The following FARS2 variants were observed in gnomAD, a reference collection of about 807,000 sequenced individuals.
FARS2 encodes the protein phenylalanyl-tRNA synthetase 2, mitochondrial, also known as phenylalanine--tRNA ligase, mitochondrial.
In FARS2, 40 loss-of-function variants were observed where a neutral mutation model predicts 46.4. The ratio of observed to expected loss-of-function variants is 0.86; its 90% CI spans 0.67 to 1.12. FARS2 has a LOEUF of 1.12. Among genes scored for constraint, FARS2 ranks in the 50% most tolerant of loss-of-function variants. FARS2 has a pLI of 0.00. For synonymous variants in FARS2, 234 were observed against 214.9 expected (o/e 1.09, Z -0.78); for missense variants, 513 against 567.9 (o/e 0.90, Z 0.98).
Position 5,765,459 on chromosome 6 carries a change from G to A in FARS2, c.1218-5832G>A, listed in dbSNP as rs1359405156. On this transcript the variant is annotated intron_variant, in intron 6 of 6. Transcript: ENST00000274680. This position sits in a 1 kb window ranked among gnomAD's most constrained non-coding sequence, Gnocchi z 4.0. ...TGGCATCGCTCATCACCTGCCAATG[G>A]CAGGGAGCGTGGGCTGTCTTATATT... 6.6e-6 allele frequency among the ~76,000 whole-genome samples: 1 copy of A among 152,220 alleles called. No homozygotes were observed. Among genetic ancestry groups the A allele is most frequent in the Non-Finnish European group, 1.5e-5 (1 of 68,036 alleles).
At chr6:5,644,072 C>A (rs182711844) in intron 6 of FARS2, among the ~76,000 whole-genome samples, 1 of 152,064 alleles carries the variant, frequency 6.6e-6, no homozygotes, top group African/African-American at 2.4e-5. Context: ...GATGGCCCTG[C>A]GCTTCTGGGG....
chr6:5,615,867 A>C lies in FARS2; in HGVS notation c.1217+2547A>C, dbSNP rs373507462. On this transcript the variant is annotated intron_variant, in intron 6 of 6. Transcript: ENST00000274680. ...AAGAAACCAACTTTCTTTAAACATG[A>C]CTCATCTCTTCGATTTTCTTGTATA... 5.9e-5 allele frequency among the ~76,000 whole-genome samples: 9 copies of C among 151,566 alleles called. No individual in the cohort carries two copies. The East Asian group carries it at 1.4e-3, about 23-fold the overall frequency.
chr6:5,640,025 C>T (rs965650870), intron 6 of FARS2, among the ~76,000 whole-genome samples: 4 of 152,082 alleles, frequency 2.6e-5, no homozygotes, highest in South Asian at 2.1e-4. Context: ...ATATCTGTTC[C>T]GTTATTGCAC....
At chr6:5,509,072 G>A (rs1768275762) in intron 4 of FARS2, among the ~76,000 whole-genome samples, 1 of 152,204 alleles carries the variant, frequency 6.6e-6, no homozygotes. Flanking sequence ...GCGTGTGGCT[G>A]TGTTTGCCCC....
intron 5 of FARS2, among the ~76,000 whole-genome samples, chr6:5,563,092 G>C (rs908787128): frequency 6.6e-5 from 10 of 152,056 alleles, no homozygotes; most frequent in African/African-American, 2.4e-4. Flanking sequence ...AGAGGGAGGG[G>C]GGCTCCAAAG....
intron 6 of FARS2, among the ~76,000 whole-genome samples, chr6:5,617,521 A>T (rs1162454500): frequency 3.3e-5 from 5 of 152,228 alleles, no homozygotes. Context: ...TAATAACAAA[A>T]ACCTGGTTTT....
intron 6 of FARS2, among the ~76,000 whole-genome samples, chr6:5,632,692 G>A (rs1339309374): frequency 7.1e-6 from 1 of 141,218 alleles, no homozygotes; most frequent in African/African-American, 2.6e-5. Context: ...AGTGTGAAGT[G>A]GTGTCTCATC....
At chr6:5,534,241 T>A (rs189541923) in intron 4 of FARS2, among the ~76,000 whole-genome samples, 1 of 141,834 alleles carries the variant, frequency 7.1e-6, no homozygotes, top group East Asian at 1.9e-4. Context: ...ATTTTAAATA[T>A]CTACATCCTC....
At chr6:5,595,534 G>A (rs191036056) in intron 5 of FARS2, among the ~76,000 whole-genome samples, 402 of 152,238 alleles carry the variant, frequency 2.6e-3, no homozygotes, top group Admixed American at 4.4e-3. Flanking sequence ...TCCACTGTGC[G>A]CCAGGCACTA....
chr6:5,264,895 G>A (rs1340853927), intron 1 of FARS2, among the ~76,000 whole-genome samples: 1 of 151,880 alleles, frequency 6.6e-6, no homozygotes, highest in Non-Finnish European at 1.5e-5. Context: ...CCGTGCTGAA[G>A]TGATTTTCCT....
chr6:5,408,661 A>G (rs1447541433), intron 3 of FARS2, among the ~76,000 whole-genome samples: 2 of 152,216 alleles, frequency 1.3e-5, no homozygotes, highest in Non-Finnish European at 1.5e-5. Context: ...GATGCCTTGT[A>G]AGTAAAAAAT....
chr6:5,580,309 GA>G (rs1165485659), intron 5 of FARS2, among the ~76,000 whole-genome samples: 5 of 141,652 alleles, frequency 3.5e-5, no homozygotes, highest in Non-Finnish European at 6.1e-5. Flanking sequence ...AAAAAAAAGA[GA>G]AGGAGGGAGG....
chr6:5,686,207 T>A (rs76452802), intron 6 of FARS2, among the ~76,000 whole-genome samples: 74,046 of 151,548 alleles, frequency 0.49, 18,377 homozygotes, highest in African/African-American at 0.53. Context: ...GAACTTTTTT[T>A]AATTATTATT....
intron 4 of FARS2, among the ~76,000 whole-genome samples, chr6:5,472,973 G>A (rs1202210966): frequency 6.6e-6 from 1 of 152,176 alleles, no homozygotes; most frequent in East Asian, 1.9e-4. Context: ...ATATTTGGAT[G>A]AAGTATCTGC....
chr6:5,526,797 A>G (rs1365942529), intron 4 of FARS2, among the ~76,000 whole-genome samples: 1 of 152,044 alleles, frequency 6.6e-6, no homozygotes, highest in Non-Finnish European at 1.5e-5. Context: ...TTGTGTATTT[A>G]GTAGAGACAG....
chr6:5,573,991 A>G (rs542451015), intron 5 of FARS2, among the ~76,000 whole-genome samples: 14 of 152,332 alleles, frequency 9.2e-5, no homozygotes, highest in African/African-American at 3.4e-4. Flanking sequence ...AATTGGAAAA[A>G]TGTTTAGCCT....
intron 1 of FARS2, among the ~76,000 whole-genome samples, chr6:5,365,317 CTTTTTTTTT>C (rs61097603): frequency 9.6e-4 from 41 of 42,502 alleles, no homozygotes; most frequent in African/African-American, 2.6e-3. Context: ...AGTATACTTT[CTTTTTTTTT>C]TTTTTTTTTT....
rs144272279 is a variant in FARS2 at position 5,444,328 on chromosome 6, A to G, written c.904+13156A>G. ...CTAAAAATACAAAAATTAGCTGGGC[A>G]TGGTGTCAGGTGCCTGTAATCCCAG... On this transcript the variant is annotated intron_variant, in intron 4 of 6. Coordinates refer to ENST00000274680, the MANE Select transcript of FARS2 (RefSeq NM_006567.5). Among the ~76,000 whole-genome samples the G allele has an allele frequency of 6.2e-3, 938 of 151,892 alleles. 36 individuals are homozygous for G. In the East Asian group the frequency reaches 0.11, roughly 18 times the overall value.
chr6:5,656,680 A>G (rs1293397441), intron 6 of FARS2, among the ~76,000 whole-genome samples: 3 of 152,018 alleles, frequency 2.0e-5, no homozygotes, highest in Non-Finnish European at 2.9e-5. Context: ...CCTCCTGAGT[A>G]GCTGGGACTA....
Sources: gnomAD v4.1 joint callset for allele counts (sites outside exome capture counted in the v4.1 genomes callset) on GRCh38, gnomAD v4.1.1 for gene constraint, Gnocchi (gnomAD v3.1) non-coding constraint, MANE v1.5 for transcripts, NCBI Gene and HGNC (gene_info 2026-07-23, HGNC 2026-07-21) for gene names.